USP15: variants seen among roughly 807,000 people sequenced by gnomAD.
USP15 encodes ubiquitin carboxyl-terminal hydrolase 15.
In USP15, 18 loss-of-function variants were observed where a neutral mutation model predicts 127.1. That is an observed-to-expected ratio of 0.14 (90% CI 0.10 to 0.21). The LOEUF is 0.21. USP15 is among the 10% of genes least tolerant of loss of function. USP15 has a pLI of 1.00. For synonymous variants in USP15, 364 were observed against 393.7 expected (o/e 0.92, Z 0.89); for missense variants, 805 against 1,159.9 (o/e 0.69, Z 4.44).
In USP15 at chr12:62,406,029, A is replaced by C. The variant is rs1363707844; in HGVS notation, c.*1654A>C. ...CTAACCTCCTGCATGACAGAGGTTA[A>C]AATTTTGTCTGCACTTGAGTTCACT... is the stretch of plus-strand genomic sequence containing the variant. On this transcript the variant is annotated 3_prime_UTR_variant, in exon 22 of 22. Coordinates refer to ENST00000280377, the MANE Select transcript of USP15 (RefSeq NM_001252078.2). 6.6e-6 allele frequency: 1 copy of C among 151,644 alleles called. No individual in the cohort carries two copies. The highest frequency in any genetic ancestry group is 1.5e-5 in the Non-Finnish European group (1 of 67,792). 9.4% of individuals were successfully genotyped at this position (151,644 alleles called of 1,614,324 possible). A position where few individuals can be genotyped will look rare whatever the true frequency, so the allele number is the denominator to read the frequency against.
chr12:62,394,781 G>A (rs1288221941), intron 19 of USP15, among the ~76,000 whole-genome samples: 2 of 151,790 alleles, frequency 1.3e-5, no homozygotes, highest in African/African-American at 4.8e-5. Context: ...CCCAGGAGGC[G>A]GAGATTTCAG....
At chr12:62,315,711 C>T (rs1321530572) in intron 4 of USP15, among the ~76,000 whole-genome samples, 3 of 152,206 alleles carry the variant, frequency 2.0e-5, no homozygotes, top group South Asian at 2.1e-4. Context: ...TGAATTATAG[C>T]GTGGCATAAG....
chr12:62,260,978 G>A (rs1361424885), intron 1 of USP15, among the ~76,000 whole-genome samples: 1 of 152,132 alleles, frequency 6.6e-6, no homozygotes. Context: ...TCTTCCGGGA[G>A]GCAGGCTGCA....
chr12:62,395,653 C>G (rs748895018), intron 19 of USP15, among the ~76,000 whole-genome samples: 1 of 151,682 alleles, frequency 6.6e-6, no homozygotes, highest in Non-Finnish European at 1.5e-5. Context: ...ACCTTCCCAC[C>G]ACACTTGTCA....
At chr12:62,322,625 G>T (rs1414048672) in intron 5 of USP15, among the ~76,000 whole-genome samples, 1 of 151,762 alleles carries the variant, frequency 6.6e-6, no homozygotes, top group Admixed American at 6.6e-5. Flanking sequence ...TTCTTCCTTT[G>T]TTTTTTTGTT....
chr12:62,378,023 A>G (rs1029407140), intron 8 of USP15, among the ~76,000 whole-genome samples: 2 of 151,986 alleles, frequency 1.3e-5, no homozygotes, highest in Non-Finnish European at 2.9e-5. Context: ...CCTGGCCAAC[A>G]TGGCGAAACC....
At chr12:62,298,370 C>CA (rs1355196760) in intron 2 of USP15, among the ~76,000 whole-genome samples, 2 of 151,184 alleles carry the variant, frequency 1.3e-5, no homozygotes, top group African/African-American at 2.4e-5. Flanking sequence ...AGAATAAATA[C>CA]AAAAAAAATA....
chr12:62,288,905 A>G (rs2063865072), intron 1 of USP15, among the ~76,000 whole-genome samples: 1 of 152,130 alleles, frequency 6.6e-6, no homozygotes, highest in Admixed American at 6.5e-5. Context: ...TGATTTGCAT[A>G]TGTTGAACTT....
chr12:62,289,442 C>T (rs767790668), intron 1 of USP15, among the ~76,000 whole-genome samples: 11 of 151,922 alleles, frequency 7.2e-5, no homozygotes, highest in Non-Finnish European at 1.5e-4. Context: ...CTGCAGTATC[C>T]GTTATAATAT....
intron 6 of USP15, among the ~76,000 whole-genome samples, chr12:62,343,495 A>G (rs1185819359): frequency 6.6e-6 from 1 of 152,176 alleles, no homozygotes; most frequent in African/African-American, 2.4e-5. Context: ...GTGCCTGCCC[A>G]AACAGCCACC....
rs771167977 is a variant in USP15, at chr12:62,384,095, C to T, written c.1266C>T (p.Ala422=). 20 of 1,612,398 alleles carry T rather than the reference C, an allele frequency of 1.2e-5. No individual in the cohort carries two copies. Among genetic ancestry groups the T allele is most frequent in the Non-Finnish European group, 1.7e-5 (20 of 1,179,170 alleles). ...CCTTGTAGGTGGTTGCCGAAGAAGC[C>T]TGGGAAAACCATTTAAAACGAAATG... is the stretch of plus-strand genomic sequence containing the variant. ...GRPDKVVAEE[A]WENHLKRNDS... is the part of the protein sequence containing the mutation. Residue 422 remains alanine (A), a synonymous_variant, in exon 11 of 22, where the codon GCC becomes GCT. Coordinates refer to ENST00000280377, the MANE Select transcript of USP15 (RefSeq NM_001252078.2).
Position 62,411,274 on chromosome 12 carries a change from T to C in USP15, c.*6899T>C, listed in dbSNP as rs2068034439. ...TCTTGCTCTTTCTCATTTTTACTCT[T>C]TAACTGGCTCCTCACTTTTTAGATG... is the stretch of plus-strand genomic sequence containing the variant. On this transcript the variant is annotated 3_prime_UTR_variant, in exon 22 of 22. Coordinates refer to ENST00000280377, the MANE Select transcript of USP15 (RefSeq NM_001252078.2). 1 of 152,284 alleles carries C rather than the reference T, an allele frequency of 6.6e-6. No individual in the cohort carries two copies. The highest frequency in any genetic ancestry group is 6.5e-5 in the Admixed American group (1 of 15,276). The allele number at this position is 152,284 out of a possible 1,614,324, so 9.4% of individuals were successfully genotyped here. A position where few individuals can be genotyped will look rare whatever the true frequency, so the allele number is the denominator to read the frequency against.
intron 8 of USP15, among the ~76,000 whole-genome samples, chr12:62,370,960 T>C (rs950181017): frequency 1.3e-5 from 2 of 152,214 alleles, no homozygotes; most frequent in South Asian, 2.1e-4. Context: ...CTACTTCTTA[T>C]ATAGCACATA....
At chr12:62,345,713 G>C (rs548133830) in intron 6 of USP15, among the ~76,000 whole-genome samples, 7 of 152,120 alleles carry the variant, frequency 4.6e-5, no homozygotes, top group Non-Finnish European at 8.8e-5. Flanking sequence ...GAAGAAAGAG[G>C]TTCATTGGAC....
At chr12:62,325,097 T>C (rs922518946) in intron 5 of USP15, among the ~76,000 whole-genome samples, 2 of 152,070 alleles carry the variant, frequency 1.3e-5, no homozygotes, top group Non-Finnish European at 2.9e-5. Context: ...TTATTTTTGC[T>C]AAGTTTTTCT....
At position 62,406,862 on chromosome 12, in the gene USP15, G is replaced by T. The variant is rs2067882751; in HGVS notation, c.*2487G>T. The T allele has an allele frequency of 6.6e-6, 1 of 152,096 alleles. No individual in the cohort carries two copies. Among genetic ancestry groups the T allele is most frequent in the South Asian group, 2.1e-4 (1 of 4,818 alleles). The allele number at this position is 152,096 out of a possible 1,614,324, so 9.4% of individuals were successfully genotyped here. Reference sequence around the variant, plus strand: ...CACCTGTGTTCCCAGCTACTGGGGAGGCTGAGGTGAGAGAATTGCTTGAGC... The same window carrying T: ...CACCTGTGTTCCCAGCTACTGGGGATGCTGAGGTGAGAGAATTGCTTGAGC... On this transcript the variant is annotated 3_prime_UTR_variant, in exon 22 of 22. Transcript: ENST00000280377.
chr12:62,398,321 T>A (rs538299906), intron 20 of USP15, among the ~76,000 whole-genome samples: 1 of 152,320 alleles, frequency 6.6e-6, no homozygotes, highest in East Asian at 1.9e-4. Context: ...CTAATTGATT[T>A]CTTCCCTTCC....
chr12:62,312,015 A>G (rs2064694322), intron 3 of USP15, among the ~76,000 whole-genome samples: 1 of 151,680 alleles, frequency 6.6e-6, no homozygotes, highest in Non-Finnish European at 1.5e-5. Context: ...CATACATAGG[A>G]TTTGTTTCTT....
chr12:62,355,505 T>G (rs1265862202), intron 8 of USP15, 30 bp downstream of exon 8: 1 of 1,558,584 alleles, frequency 6.4e-7, no homozygotes, highest in Non-Finnish European at 8.7e-7. Flanking sequence ...ATGAAACTCA[T>G]GTTTCATGGA....
Sources: gnomAD v4.1 joint callset for allele counts (sites outside exome capture counted in the v4.1 genomes callset) on GRCh38, gnomAD v4.1.1 for gene constraint, MANE v1.5 for transcripts, NCBI Gene and HGNC (gene_info 2026-07-23, HGNC 2026-07-21) for gene names.